EYS: variants seen among roughly 807,000 people sequenced by gnomAD.
EYS encodes the protein EGF-like photoreceptor maintenance factor, also known as protein eyes shut homolog.
EYS carries 250 observed loss-of-function variants against 282.1 expected under a neutral mutation model. That is an observed-to-expected ratio of 0.89 (90% CI 0.80 to 0.98). The LOEUF (loss-of-function observed/expected upper bound fraction) is 0.98, where lower values mean the gene tolerates loss of function less well. Ranked by LOEUF, EYS falls within the 50% of genes least tolerant of loss-of-function variation. The probability of loss-of-function intolerance (pLI) is 0.00; values close to 1 mark genes in which losing one functional copy is unlikely to be tolerated. For missense variants in EYS, 4,016 were observed against 3,709.0 expected, an observed-to-expected ratio of 1.08 and a Z score of -2.15; for synonymous variants, 1,355 against 1,282.9, an observed-to-expected ratio of 1.06 and a Z score of -1.20.
intron 13 of EYS, among the ~76,000 whole-genome samples, chr6:65,009,984 T>C (rs1344691538): frequency 6.6e-6 from 1 of 152,162 alleles, no homozygotes; most frequent in African/African-American, 2.4e-5. Context: ...TATACACTAA[T>C]TAAGGAAACT....
At chr6:64,263,209 C>T (rs984279973) in intron 30 of EYS, among the ~76,000 whole-genome samples, 2 of 152,048 alleles carry the variant, frequency 1.3e-5, no homozygotes, top group Admixed American at 6.6e-5. Flanking sequence ...TCACTGTCAT[C>T]TCTCTTATTT....
intron 12 of EYS, among the ~76,000 whole-genome samples, chr6:65,198,205 C>T (rs1040392617): frequency 3.3e-5 from 5 of 152,026 alleles, no homozygotes; most frequent in African/African-American, 1.2e-4. Context: ...TGTCTTCTAC[C>T]GCCACATCTT....
intron 12 of EYS, among the ~76,000 whole-genome samples, chr6:65,229,481 T>C (rs943826481): frequency 6.6e-6 from 1 of 151,672 alleles, no homozygotes; most frequent in African/African-American, 2.4e-5. Flanking sequence ...AAGTCAATTG[T>C]ATAGAAAATA....
chr6:64,812,185 A>G (rs1764617217), intron 22 of EYS, among the ~76,000 whole-genome samples: 2 of 151,916 alleles, frequency 1.3e-5, no homozygotes, highest in East Asian at 3.9e-4. Flanking sequence ...CTACAAAAGT[A>G]CGATAAACAG....
intron 22 of EYS, among the ~76,000 whole-genome samples, chr6:64,791,144 TA>T (rs1422445575): frequency 6.6e-6 from 1 of 151,870 alleles, no homozygotes; most frequent in Non-Finnish European, 1.5e-5. Flanking sequence ...ATAATGTGCA[TA>T]AAATACATAT....
intron 14 of EYS, among the ~76,000 whole-genome samples, chr6:64,983,692 C>G (rs575571107): frequency 6.6e-6 from 1 of 151,394 alleles, no homozygotes; most frequent in African/African-American, 2.4e-5. Flanking sequence ...GATTTAACAA[C>G]AGGTGCTGAA....
chr6:64,988,288 A>G (rs951765028), intron 14 of EYS, among the ~76,000 whole-genome samples: 1 of 151,562 alleles, frequency 6.6e-6, no homozygotes, highest in African/African-American at 2.4e-5. Context: ...GATGCAGAGC[A>G]TTTCAGCAGA....
chr6:65,109,525 T>G (rs1413560946), intron 12 of EYS, among the ~76,000 whole-genome samples: 2 of 152,132 alleles, frequency 1.3e-5, no homozygotes, highest in African/African-American at 4.8e-5. Flanking sequence ...GCACGTGTGC[T>G]TAAGGTATTA....
intron 22 of EYS, among the ~76,000 whole-genome samples, chr6:64,696,813 G>C (rs1017284739): frequency 1.3e-5 from 2 of 152,164 alleles, no homozygotes; most frequent in Non-Finnish European, 2.9e-5. Flanking sequence ...TTGTCACCAT[G>C]AGACTGGTCC....
intron 29 of EYS, among the ~76,000 whole-genome samples, chr6:64,363,083 C>A (rs781479195): frequency 2.6e-5 from 4 of 151,506 alleles, no homozygotes; most frequent in Non-Finnish European, 5.9e-5. Flanking sequence ...CCACCTTAAC[C>A]TCCAGAAGAG....
At chr6:65,390,586 T>C (rs1220118574) in intron 7 of EYS, among the ~76,000 whole-genome samples, 2 of 151,114 alleles carry the variant, frequency 1.3e-5, no homozygotes, top group Non-Finnish European at 2.9e-5. Flanking sequence ...AAAGAAAGTG[T>C]AGAAAAAATA....
intron 26 of EYS, among the ~76,000 whole-genome samples, chr6:64,468,719 A>G (rs9351267): frequency 0.3 from 45,722 of 152,074 alleles, 6,926 homozygotes; most frequent in East Asian, 0.47. Context: ...AATGTACTCA[A>G]TGTTTAGCTC....
intron 5 of EYS, among the ~76,000 whole-genome samples, chr6:65,474,947 T>C (rs1191289628): frequency 3.9e-5 from 6 of 151,918 alleles, no homozygotes; most frequent in Non-Finnish European, 8.8e-5. Context: ...AGACTTGCAT[T>C]TTGGCTGAGG....
At position 64,912,702 on chromosome 6, in the gene EYS, T is replaced by G. The variant is rs1329809440; in HGVS notation, c.2423A>C (p.Glu808Ala). ...TSGWTGQNCS[E>A]EINECDSDPC... ...ATCAGAGTCGCATTCATTTATTTCT[T>G]CACTACAGTTCTGTCCAGTCCATCC... The change falls in exon 16 of 43, where the codon GAA (glutamate) becomes GCA (alanine). Residue 808 changes from glutamate to alanine, a missense_variant. By Grantham distance (107) the Glu-to-Ala change is moderately radical. Transcript: ENST00000503581. 6.6e-7 allele frequency: 1 copy of G among 1,505,712 alleles called. No individual in the cohort carries two copies. The highest frequency in any genetic ancestry group is 2.1e-5 in the Admixed American group (1 of 46,708). 93.3% of individuals were successfully genotyped at this position (1,505,712 alleles called of 1,614,324 possible).
intron 2 of EYS, among the ~76,000 whole-genome samples, chr6:65,616,573 G>A (rs570636749): frequency 2.2e-4 from 33 of 152,248 alleles, no homozygotes; most frequent in Middle Eastern, 3.4e-3. Flanking sequence ...GGATCACGAG[G>A]TCAAGAGATT....
chr6:65,068,019 A>G (rs1773796438), intron 12 of EYS, among the ~76,000 whole-genome samples: 1 of 152,038 alleles, frequency 6.6e-6, no homozygotes, highest in Non-Finnish European at 1.5e-5. Context: ...ATTCCTATTC[A>G]TATAAAAATC....
At chr6:65,030,206 C>A (rs929543206) in intron 13 of EYS, among the ~76,000 whole-genome samples, 7 of 152,094 alleles carry the variant, frequency 4.6e-5, no homozygotes, top group African/African-American at 1.4e-4. Flanking sequence ...GTGACCTGAG[C>A]TTTCCCTTCT....
At chr6:65,461,626 T>C (rs1764828971) in intron 5 of EYS, among the ~76,000 whole-genome samples, 1 of 151,506 alleles carries the variant, frequency 6.6e-6, no homozygotes, top group African/African-American at 2.4e-5. Context: ...CATGATCATG[T>C]CTTTTTCCTT....
intron 2 of EYS, among the ~76,000 whole-genome samples, chr6:65,610,065 G>GT: frequency 6.6e-6 from 1 of 151,990 alleles, no homozygotes; most frequent in African/African-American, 2.4e-5. Flanking sequence ...CGCCTGGCTA[G>GT]TTTTTTCATT....
Sources: allele counts gnomAD v4.1 joint callset (sites outside exome capture counted in the v4.1 genomes callset), GRCh38; gene constraint gnomAD v4.1.1; transcripts MANE v1.5; gene names NCBI Gene and HGNC (gene_info 2026-07-23, HGNC 2026-07-21).